Variants in ADCY10 observed in about 807,000 individuals in gnomAD.
The protein encoded by ADCY10 is adenylate cyclase type 10.
ADCY10 carries 156 observed loss-of-function variants against 183.3 expected under a neutral mutation model. The ratio of observed to expected loss-of-function variants is 0.85; its 90% confidence interval spans 0.75 to 0.97. The LOEUF (loss-of-function observed/expected upper bound fraction) is 0.97. Ranked by LOEUF, ADCY10 falls within the 50% of genes least tolerant of loss-of-function variation. The pLI is 0.00. For missense variants in ADCY10, 1,745 were observed against 1,934.3 expected (o/e 0.90, Z 1.84); for synonymous variants, 645 against 670.0 (o/e 0.96, Z 0.58).
At chr1:167,913,591 T>C (rs999388097) in intron 1 of ADCY10, among the ~76,000 whole-genome samples, 11 of 152,224 alleles carry the variant, frequency 7.2e-5, no homozygotes, top group Non-Finnish European at 1.3e-4. Context: ...TTCATCTGAA[T>C]TGTAAGCTCC....
intron 16 of ADCY10, among the ~76,000 whole-genome samples, chr1:167,857,879 A>G (rs970113948): frequency 1.3e-5 from 2 of 152,168 alleles, no homozygotes; most frequent in African/African-American, 4.8e-5. Flanking sequence ...TTCAGCACCA[A>G]CTGAAAAGTT....
chr1:167,852,016 C>G (rs933502925), intron 18 of ADCY10, among the ~76,000 whole-genome samples: 2 of 152,032 alleles, frequency 1.3e-5, no homozygotes, highest in African/African-American at 4.8e-5. Flanking sequence ...TTAAAGTATA[C>G]AATTCAGCGG....
At chr1:167,878,763 A>G in intron 11 of ADCY10, 128 bp from the exon 12 acceptor site, 1 of 950,300 alleles carries the variant, frequency 1.1e-6, no homozygotes, top group Non-Finnish European at 1.6e-6. Context: ...GTGACACAGA[A>G]GCCTAGTCTC....
At chr1:167,883,301 G>C (rs968043244) in intron 9 of ADCY10, 136 bp downstream of exon 9, 151 of 933,982 alleles carry the variant, frequency 1.6e-4, no homozygotes, top group Middle Eastern at 2.7e-4. Flanking sequence ...GCCTCCCAAA[G>C]AGCTGGGATT....
intron 26 of ADCY10, among the ~76,000 whole-genome samples, chr1:167,826,899 G>C (rs1335527532): frequency 4.6e-5 from 7 of 152,176 alleles, no homozygotes; most frequent in Non-Finnish European, 7.3e-5. Context: ...ACCAAAAGAG[G>C]ACCAATATGG....
intron 31 of ADCY10, among the ~76,000 whole-genome samples, chr1:167,816,260 T>G (rs1662523396): frequency 6.6e-6 from 1 of 151,658 alleles, no homozygotes; most frequent in African/African-American, 2.4e-5. Context: ...GATAAAAAAT[T>G]TTAGGTCAGG....
intron 30 of ADCY10, among the ~76,000 whole-genome samples, chr1:167,819,210 G>C (rs1404674835): frequency 6.6e-6 from 1 of 151,078 alleles, no homozygotes; most frequent in Non-Finnish European, 1.5e-5. Context: ...AGAGTATATG[G>C]TACAATCCTT....
chr1:167,900,367 AG>A (rs1669316539), intron 5 of ADCY10, among the ~76,000 whole-genome samples: 1 of 152,196 alleles, frequency 6.6e-6, no homozygotes, highest in Non-Finnish European at 1.5e-5. Context: ...CTCTAAAAAA[AG>A]GTGCTGGGAC....
intron 30 of ADCY10, chr1:167,820,047 A>G: frequency 1.3e-6 from 2 of 1,579,118 alleles, no homozygotes; most frequent in Non-Finnish European, 1.7e-6. Flanking sequence ...TCTACGTTTC[A>G]AAGCCTCTTT....
At chr1:167,850,473 G>A (rs1665381802) in intron 18 of ADCY10, among the ~76,000 whole-genome samples, 1 of 152,110 alleles carries the variant, frequency 6.6e-6, no homozygotes, top group African/African-American at 2.4e-5. Flanking sequence ...AAAACAACTG[G>A]GGAGAGAGTT....
chr1:167,875,985 G>A (rs35432371), intron 12 of ADCY10, among the ~76,000 whole-genome samples: 42,823 of 151,570 alleles, frequency 0.28, 6,271 homozygotes, highest in Middle Eastern at 0.38. Flanking sequence ...GGCCAGGCAC[G>A]GTGGCTCATG....
chr1:167,898,607 T>A (rs77299238), intron 6 of ADCY10, among the ~76,000 whole-genome samples: 6,488 of 94,894 alleles, frequency 0.068, 421 homozygotes, highest in African/African-American at 0.2. Context: ...TTTTTTTTTT[T>A]AAAAAAAGAA....
chr1:167,818,065 G>T lies in ADCY10; in HGVS notation c.4482+7C>A, dbSNP rs745455949. The T allele has an allele frequency of 1.2e-6, 2 of 1,613,732 alleles. No homozygotes were observed. Among genetic ancestry groups the T allele is most frequent in the Non-Finnish European group, 1.7e-6 (2 of 1,179,648 alleles). On this transcript the variant is annotated splice_region_variant and intron_variant, in intron 31 of 32. Coordinates refer to ENST00000367851, the MANE Select transcript of ADCY10 (RefSeq NM_018417.6). ...TTTTATACTGGAAACTGGAGAATAGGCCTCACCTTGAGTAGCTCCTCCCCA... is the reference window on the plus strand; with the variant it reads ...TTTTATACTGGAAACTGGAGAATAGTCCTCACCTTGAGTAGCTCCTCCCCA...
chr1:167,883,361 A>T (rs912715696), intron 9 of ADCY10, 76 bp downstream of exon 9: 2 of 1,519,002 alleles, frequency 1.3e-6, no homozygotes, highest in South Asian at 2.3e-5. Flanking sequence ...TCCTGTGTCT[A>T]TTCTCACCAA....
intron 25 of ADCY10, among the ~76,000 whole-genome samples, chr1:167,832,195 C>T (rs1571243984): frequency 6.6e-6 from 1 of 152,250 alleles, no homozygotes; most frequent in Middle Eastern, 3.4e-3. Context: ...AAGAGGTGTC[C>T]TCTGTCAGCT....
At chr1:167,854,640 CT>C in intron 17 of ADCY10, 151 bp from the exon 18 acceptor site, 1 of 945,484 alleles carries the variant, frequency 1.1e-6, no homozygotes, top group Non-Finnish European at 1.6e-6. Flanking sequence ...GCTTTGTTTT[CT>C]TTTTATTTCA....
intron 28 of ADCY10, among the ~76,000 whole-genome samples, chr1:167,823,868 T>C (rs1269660390): frequency 3.3e-5 from 5 of 152,226 alleles, no homozygotes; most frequent in African/African-American, 1.2e-4. Context: ...GTTGCTATTC[T>C]CTGGCCATTT....
chr1:167,900,720 C>T (rs548369951), intron 5 of ADCY10, among the ~76,000 whole-genome samples: 25 of 152,174 alleles, frequency 1.6e-4, no homozygotes, highest in African/African-American at 5.3e-4. Flanking sequence ...TTAGTAGAGA[C>T]GGGGTTTCAC....
At chr1:167,910,128 C>A (rs975177110) in intron 1 of ADCY10, among the ~76,000 whole-genome samples, 5 of 152,186 alleles carry the variant, frequency 3.3e-5, no homozygotes, top group African/African-American at 1.2e-4. Flanking sequence ...CGAATAAAGC[C>A]TCTTCCTTCT....
Sources: gnomAD v4.1 joint callset for allele counts (sites outside exome capture counted in the v4.1 genomes callset) on GRCh38, gnomAD v4.1.1 for gene constraint, MANE v1.5 for transcripts, NCBI Gene and HGNC (gene_info 2026-07-23, HGNC 2026-07-21) for gene names.